The following IFT46 variants were observed in gnomAD, a reference collection of about 807,000 sequenced individuals.
The protein encoded by IFT46 is intraflagellar transport protein 46 homolog.
A neutral mutation model predicts 39.6 loss-of-function variants in IFT46; 19 were observed. The observed-to-expected ratio is 0.48, with a 90% CI of 0.33 to 0.70. IFT46 has a LOEUF of 0.70. IFT46 is among the 30% of genes least tolerant of loss of function. The probability of loss-of-function intolerance (pLI) is 0.01; values close to 1 mark genes in which losing one functional copy is unlikely to be tolerated. For synonymous variants in IFT46, 117 were observed against 134.8 expected (o/e 0.87, Z 0.91); for missense variants, 334 against 364.8 (o/e 0.92, Z 0.69).
chr11:118,547,833 G>A (rs1210686379), intron 9 of IFT46, among the ~76,000 whole-genome samples: 6 of 138,462 alleles, frequency 4.3e-5, no homozygotes, highest in Non-Finnish European at 6.1e-5. Context: ...TACAATCTCC[G>A]TCTCCCGGGT....
intron 1 of IFT46, chr11:118,572,247 G>A: frequency 2.3e-6 from 1 of 430,104 alleles, no homozygotes; most frequent in East Asian, 3.5e-5. Context: ...AAAGGGGAGA[G>A]ATACGAGGTT....
chr11:118,567,784 A>C (rs1938261855), upstream of IFT46, among the ~76,000 whole-genome samples: 1 of 152,208 alleles, frequency 6.6e-6, no homozygotes, highest in Non-Finnish European at 1.5e-5. Context: ...TGCAGTACTT[A>C]CTATGTAGGA....
Position 118,545,414 on chromosome 11 carries a change from A to C in IFT46, c.814T>G (p.Ser272Ala). The C allele has an allele frequency of 6.2e-7, 1 of 1,608,934 alleles. No homozygotes were observed. The highest frequency in any genetic ancestry group is 8.5e-7 in the Non-Finnish European group (1 of 1,175,332). Residue 272 changes from serine (S) to alanine (A), a missense_variant, in exon 11 of 12, where the codon TCA (serine) becomes GCA (alanine). Coordinates refer to ENST00000264021, the MANE Select transcript of IFT46 (RefSeq NM_001168618.2). ...LFSLYSEFKNSQHFKALAEGK... is the reference protein window; with the variant it reads ...LFSLYSEFKNAQHFKALAEGK... ...ACCCCTGATGCTTGGCTCACCTGTG[A>C]GTTCTTGAATTCTGAGTAGAGGGAA...
intron 9 of IFT46, chr11:118,546,187 A>G: frequency 1.4e-6 from 1 of 718,326 alleles, no homozygotes. Flanking sequence ...GATGGCCAAG[A>G]AGAGACCCCT....
rs1006438313 is a variant in IFT46, at chr11:118,550,904, G to A, written c.672+882C>T. Among the ~76,000 whole-genome samples the A allele has an allele frequency of 7.3e-5, 11 of 151,502 alleles. No homozygotes were observed. In the South Asian group the frequency reaches 1.2e-3, roughly 17 times the overall value. ...TAGCCAGGCACAGTGGCAGATGCCT[G>A]TAATCCCAGCTACTTGGGAGGCTGA... is the stretch of plus-strand genomic sequence containing the variant. On this transcript the variant is annotated intron_variant, in intron 9 of 11. Coordinates refer to ENST00000264021, the MANE Select transcript of IFT46 (RefSeq NM_001168618.2).
intron 8 of IFT46, 63 bp from the exon 9 acceptor site, chr11:118,551,915 T>C: frequency 6.9e-7 from 1 of 1,457,768 alleles, no homozygotes; most frequent in Non-Finnish European, 9.6e-7. Flanking sequence ...AACCTCTGGA[T>C]CAGCATATTC....
rs76143861 is a variant in IFT46 at position 118,544,714 on chromosome 11, C to T, written c.*202G>A. The T allele has an allele frequency of 0.045, 24,372 of 540,444 alleles. 697 individuals carry two copies. Among genetic ancestry groups the T allele is most frequent in the Non-Finnish European group, 0.062 (18,866 of 302,660 alleles). The allele number at this position is 540,444 out of a possible 1,614,324, so 33.5% of individuals were successfully genotyped here. On this transcript the variant is annotated 3_prime_UTR_variant, in exon 12 of 12. Coordinates refer to ENST00000264021, the MANE Select transcript of IFT46 (RefSeq NM_001168618.2). ...CACAGTGGTGTAGATGCATTAACTC[C>T]CCGGGGACAGCAATCTGAGGCAGGC...
At chr11:118,574,879 G>A (rs189838474), upstream of IFT46, among the ~76,000 whole-genome samples, 57 of 152,084 alleles carry the variant, frequency 3.7e-4, no homozygotes, top group Non-Finnish European at 7.6e-4. Context: ...CAATCCTCCC[G>A]CCTCCATATC....
chr11:118,568,418 G>A (rs1235969393), upstream of IFT46, among the ~76,000 whole-genome samples: 4 of 151,984 alleles, frequency 2.6e-5, no homozygotes, highest in African/African-American at 9.7e-5. Context: ...CAGGTGTGGT[G>A]GTGCATGCCT....
At chr11:118,555,142 G>A (rs555586147) in intron 5 of IFT46, 59 bp from the exon 6 acceptor site, 1 of 1,543,230 alleles carries the variant, frequency 6.5e-7, no homozygotes, top group Admixed American at 1.7e-5. Context: ...TTACTATTCA[G>A]GCTAAAAAAA....
chr11:118,557,626 G>T, intron 3 of IFT46: 1 of 1,259,606 alleles, frequency 7.9e-7, no homozygotes, highest in Admixed American at 1.8e-5. Flanking sequence ...TTCTCTTCAT[G>T]GAGTATCTGA....
rs377340322 is a variant in IFT46 at position 118,557,823 on chromosome 11, G to A, written c.46-778C>T. 14 of 1,614,014 alleles carry A rather than the reference G, an allele frequency of 8.7e-6. No homozygotes were observed. In the African/African-American group the frequency reaches 1.9e-4, roughly 22 times the overall value. On this transcript the variant is annotated intron_variant, in intron 3 of 11. Transcript: ENST00000264021. ...CTGGTGGCACTTGAGACTTGCAGGG[G>A]CAGGTGGAACAGGGTCCATGTCTTT...
At chr11:118,567,113 G>T (rs1243094568), upstream of IFT46, among the ~76,000 whole-genome samples, 2 of 151,986 alleles carry the variant, frequency 1.3e-5, no homozygotes, top group East Asian at 1.9e-4. Flanking sequence ...AATTAGCCAG[G>T]TGTGGTGGCA....
chr11:118,552,204 T>A lies in IFT46; in HGVS notation c.605+10A>T, dbSNP rs1164851858. 28 of 1,613,816 alleles carry A rather than the reference T, an allele frequency of 1.7e-5. No individual in the cohort carries two copies. Among genetic ancestry groups the A allele is most frequent in the Non-Finnish European group, 2.4e-5 (28 of 1,179,918 alleles). On this transcript the variant is annotated intron_variant, in intron 8 of 11. Coordinates refer to ENST00000264021, the MANE Select transcript of IFT46 (RefSeq NM_001168618.2). ...TGTGTTACTGTTGCAAAGAATGTGG[T>A]ATTTCTTACCTGGTGTAGTGCACAG...
intron 4 of IFT46, 62 bp from the exon 5 acceptor site, chr11:118,555,384 A>G: frequency 7.9e-7 from 1 of 1,258,002 alleles, no homozygotes. Flanking sequence ...GCAGGGTCCT[A>G]GGTGCTGGTG....
chr11:118,561,454 G>A (rs1302811605), intron 2 of IFT46: 1 of 788,632 alleles, frequency 1.3e-6, no homozygotes, highest in East Asian at 2.4e-5. Flanking sequence ...ATGAAAAGAG[G>A]CCCAAGAAAG....
At chr11:118,545,664 A>T (rs1951663192) in intron 10 of IFT46, 129 bp downstream of exon 10, 2 of 1,180,054 alleles carry the variant, frequency 1.7e-6, no homozygotes, top group Non-Finnish European at 2.5e-6. Context: ...AGTGCTGCCA[A>T]AGAGCACAAC....
chr11:118,557,225 T>TGG, intron 3 of IFT46, 180 bp from the exon 4 acceptor site: 1 of 499,520 alleles, frequency 2.0e-6, no homozygotes, highest in Non-Finnish European at 3.4e-6. Context: ...CAGCTACAAA[T>TGG]GGGGACTCCA....
At chr11:118,560,708 G>A in intron 2 of IFT46, 1 of 620,802 alleles carries the variant, frequency 1.6e-6, no homozygotes, top group Non-Finnish European at 2.9e-6. Context: ...TATTAAAGTT[G>A]TTAAGAATAA....
Sources: gnomAD v4.1 joint callset for allele counts (sites outside exome capture counted in the v4.1 genomes callset) on GRCh38, gnomAD v4.1.1 for gene constraint, MANE v1.5 for transcripts, NCBI Gene and HGNC (gene_info 2026-07-23, HGNC 2026-07-21) for gene names.